Variants in SLC35F4 observed in about 807,000 individuals in gnomAD.
The protein encoded by SLC35F4 is chromosome 14 open reading frame 36.
A neutral mutation model predicts 44.2 loss-of-function variants in SLC35F4; 24 were observed. That is an observed-to-expected ratio of 0.54 (90% confidence interval 0.39 to 0.76). The LOEUF (loss-of-function observed/expected upper bound fraction) is 0.76, where lower values mean the gene tolerates loss of function less well. Among genes scored for constraint, SLC35F4 ranks in the 30% least tolerant of loss-of-function variants. The pLI is 0.00. For missense variants in SLC35F4, 562 were observed against 586.1 expected, an observed-to-expected ratio of 0.96 and a Z score of 0.42; for synonymous variants, 238 against 223.6, an observed-to-expected ratio of 1.06 and a Z score of -0.57.
intron 1 of SLC35F4, among the ~76,000 whole-genome samples, chr14:57,741,390 C>G (rs971266965): frequency 6.6e-6 from 1 of 151,982 alleles, no homozygotes; most frequent in Non-Finnish European, 1.5e-5. Context: ...TAGAGAAGAC[C>G]TTAAATGACC....
At chr14:57,658,972 A>C (rs1164683752) in intron 1 of SLC35F4, among the ~76,000 whole-genome samples, 2 of 152,172 alleles carry the variant, frequency 1.3e-5, no homozygotes, top group Non-Finnish European at 2.9e-5. Context: ...GAGGAGATAA[A>C]GAGAGGGTCC....
At chr14:57,726,423 T>C (rs141120555) in intron 1 of SLC35F4, among the ~76,000 whole-genome samples, 2,037 of 152,326 alleles carry the variant, frequency 0.013, 25 homozygotes, top group South Asian at 0.058. Context: ...AAACAAGGAC[T>C]GCAATTGTCA....
chr14:57,876,435 A>G (rs1888402268), intron 1 of SLC35F4, among the ~76,000 whole-genome samples: 1 of 152,206 alleles, frequency 6.6e-6, no homozygotes, highest in African/African-American at 2.4e-5. Context: ...GCTGAAAAAA[A>G]TGAGAGCGCG....
At chr14:57,964,792 G>C (rs931535238) in intron 1 of SLC35F4, among the ~76,000 whole-genome samples, 3 of 151,924 alleles carry the variant, frequency 2.0e-5, no homozygotes, top group Admixed American at 6.6e-5. Context: ...GCATTGGTGA[G>C]AGGGGGCAGA....
At chr14:57,936,437 C>A (rs905847228) in intron 1 of SLC35F4, among the ~76,000 whole-genome samples, 1 of 152,204 alleles carries the variant, frequency 6.6e-6, no homozygotes, top group Non-Finnish European at 1.5e-5. Flanking sequence ...CAAAGACTGG[C>A]AGCGCCACTG....
intron 1 of SLC35F4, among the ~76,000 whole-genome samples, chr14:57,598,893 G>A (rs1594998906): frequency 6.2e-5 from 1 of 16,042 alleles, no homozygotes; most frequent in South Asian, 1.7e-3. Context: ...GTGTGTGTAT[G>A]TGTGTGTGTG....
chr14:57,667,196 G>T (rs75867671), intron 1 of SLC35F4, among the ~76,000 whole-genome samples: 9,156 of 148,820 alleles, frequency 0.062, 416 homozygotes, highest in South Asian at 0.095. Flanking sequence ...AAGCATGGGG[G>T]AGGGAGGGAA....
intron 1 of SLC35F4, among the ~76,000 whole-genome samples, chr14:57,698,924 C>A (rs1048862284): frequency 6.6e-6 from 1 of 152,100 alleles, no homozygotes; most frequent in Non-Finnish European, 1.5e-5. Flanking sequence ...CCATGCCTGG[C>A]CATGAACATG....
chr14:57,740,379 A>G (rs1014422897), intron 1 of SLC35F4, among the ~76,000 whole-genome samples: 4 of 152,178 alleles, frequency 2.6e-5, no homozygotes, highest in East Asian at 3.9e-4. Context: ...TTTTTCCAAC[A>G]CCATGCATAT....
chr14:57,655,721 A>G (rs544121950), intron 1 of SLC35F4, among the ~76,000 whole-genome samples: 1 of 152,188 alleles, frequency 6.6e-6, no homozygotes, highest in East Asian at 1.9e-4. Context: ...ACCCTTTCTT[A>G]GTTCTCATTG....
intron 1 of SLC35F4, among the ~76,000 whole-genome samples, chr14:57,913,648 T>C (rs7156842): frequency 0.05 from 7,550 of 152,218 alleles, 540 homozygotes; most frequent in African/African-American, 0.15. Context: ...TATTAATATA[T>C]AAACATATAC....
chr14:57,919,650 G>C (rs1007048530), intron 1 of SLC35F4, among the ~76,000 whole-genome samples: 4 of 152,108 alleles, frequency 2.6e-5, no homozygotes, highest in Non-Finnish European at 4.4e-5. Flanking sequence ...ATATGATCTG[G>C]GGGTGGGGGA....
At chr14:57,582,542 C>T (rs990003966) in intron 3 of SLC35F4, among the ~76,000 whole-genome samples, 1 of 152,190 alleles carries the variant, frequency 6.6e-6, no homozygotes, top group African/African-American at 2.4e-5. Context: ...GCTAGCAATA[C>T]ATACAGGCAA....
At chr14:57,745,106 G>A (rs535078851) in intron 1 of SLC35F4, among the ~76,000 whole-genome samples, 1 of 152,286 alleles carries the variant, frequency 6.6e-6, no homozygotes, top group East Asian at 1.9e-4. Context: ...AGACTTAAAT[G>A]TTAGACCTAA....
At chr14:57,924,148 T>C (rs1594627849) in intron 1 of SLC35F4, among the ~76,000 whole-genome samples, 1 of 152,362 alleles carries the variant, frequency 6.6e-6, no homozygotes, top group African/African-American at 2.4e-5. Flanking sequence ...TGTGGAACTG[T>C]AAGTCCATTA....
rs544018412 is a variant in SLC35F4, at chr14:57,805,549, T to G, written c.103+60174A>C. On this transcript the variant is annotated intron_variant, in intron 1 of 7. Coordinates refer to ENST00000556826, the MANE Select transcript of SLC35F4 (RefSeq NM_001306087.2). ...AAACCAAACACCCCATGTTCTTACTTGTAAGTGGGAGCTGAATGATGAGAA... is the reference window on the plus strand; with the variant it reads ...AAACCAAACACCCCATGTTCTTACTGGTAAGTGGGAGCTGAATGATGAGAA... 5.3e-5 allele frequency among the ~76,000 whole-genome samples: 8 copies of G among 152,186 alleles called. No homozygotes were observed. In the South Asian group the frequency reaches 1.7e-3, roughly 32 times the overall value.
At chr14:57,838,098 C>G (rs1278335158) in intron 1 of SLC35F4, among the ~76,000 whole-genome samples, 1 of 152,096 alleles carries the variant, frequency 6.6e-6, no homozygotes, top group African/African-American at 2.4e-5. Flanking sequence ...AATTAATGTC[C>G]TTAGCAACAC....
intron 3 of SLC35F4, among the ~76,000 whole-genome samples, chr14:57,582,295 G>A (rs2069339053): frequency 6.6e-6 from 1 of 151,860 alleles, no homozygotes; most frequent in Admixed American, 6.6e-5. Flanking sequence ...TCCCAGACTC[G>A]AGCCATCCTC....
At chr14:57,911,242 A>T (rs923769516) in intron 1 of SLC35F4, among the ~76,000 whole-genome samples, 2 of 151,884 alleles carry the variant, frequency 1.3e-5, no homozygotes, top group Non-Finnish European at 2.9e-5. Context: ...CTATAAACAA[A>T]TTTTTTTTCC....
Sources: gnomAD v4.1 joint callset for allele counts (sites outside exome capture counted in the v4.1 genomes callset) on GRCh38, gnomAD v4.1.1 for gene constraint, MANE v1.5 for transcripts, NCBI Gene and HGNC (gene_info 2026-07-23, HGNC 2026-07-21) for gene names.